Variants in ATR observed in about 807,000 individuals in gnomAD.
ATR encodes the protein ATR checkpoint kinase.
ATR carries 142 observed loss-of-function variants against 305.3 expected under a neutral mutation model. The observed-to-expected ratio is 0.47, with a 90% CI of 0.41 to 0.53. The LOEUF (loss-of-function observed/expected upper bound fraction) is 0.53, where lower values mean the gene tolerates loss of function less well. Ranked by LOEUF, ATR falls within the 20% of genes least tolerant of loss-of-function variation. The probability of loss-of-function intolerance (pLI) is 0.00; values close to 1 mark genes in which losing one functional copy is unlikely to be tolerated. For missense variants in ATR, 2,135 were observed against 3,133.1 expected, an observed-to-expected ratio of 0.68 and a Z score of 7.60; for synonymous variants, 1,050 against 1,068.1, an observed-to-expected ratio of 0.98 and a Z score of 0.33.
chr3:142,503,522 T>A, intron 29 of ATR, 69 bp from the exon 30 acceptor site: 1 of 898,966 alleles, frequency 1.1e-6, no homozygotes, highest in Non-Finnish European at 1.7e-6. Flanking sequence ...AAAAACAGTT[T>A]AACTGATATT....
chr3:142,547,578 C>G (rs992120283), intron 16 of ATR, 147 bp downstream of exon 16: 1 of 871,226 alleles, frequency 1.1e-6, no homozygotes, highest in Non-Finnish European at 1.8e-6. Context: ...TTTAAATCAG[C>G]CTTTTCAAAA....
chr3:142,556,141 T>TG lies in ATR; in HGVS notation c.2079-3dup. 1 of 1,611,754 alleles carries TG rather than the reference T, an allele frequency of 6.2e-7. No homozygotes were observed. Among genetic ancestry groups the TG allele is most frequent in the South Asian group, 1.1e-5 (1 of 90,486 alleles). On this transcript the variant is annotated splice_region_variant and splice_polypyrimidine_tract_variant and intron_variant, in intron 9 of 46. Coordinates refer to ENST00000350721, the MANE Select transcript of ATR (RefSeq NM_001184.4). The stretch of plus-strand genomic sequence containing the variant: ...TCAGAATCATCTTTGACTTTATCTC[T>TG]GGGGAAAAAAAAGAAAAAGTACTAA...
At chr3:142,493,105 C>T in intron 35 of ATR, 27 bp downstream of exon 35, 2 of 1,605,956 alleles carry the variant, frequency 1.2e-6, no homozygotes, top group South Asian at 1.1e-5. Context: ...ACAGAGTTAA[C>T]TGAAACTGCA....
rs145813077 is a variant in ATR at position 142,486,184 on chromosome 3, T to C, written c.6079-902A>G. On this transcript the variant is annotated intron_variant, in intron 35 of 46. Transcript: ENST00000350721. ...GGATCACTGACAATTTTTTTTTTAA[T>C]TGAAGTTCCACTTTTCATCTAAAGA... Among the ~76,000 whole-genome samples, 197 of 152,320 alleles carry C rather than the reference T, an allele frequency of 1.3e-3. 4 individuals carry two copies. The East Asian group carries it at 0.029, about 22-fold the overall frequency.
At position 142,568,140 on chromosome 3, in the gene ATR, T is replaced by G. The variant is rs771805892; in HGVS notation, c.74A>C (p.Glu25Ala). 2.5e-6 allele frequency: 4 copies of G among 1,611,762 alleles called. No individual in the cohort carries two copies. Among genetic ancestry groups the G allele is most frequent in the Non-Finnish European group, 3.4e-6 (4 of 1,178,130 alleles). The change falls in exon 2 of 47, where the codon GAA becomes GCA. Residue 25 changes from glutamate (E) to alanine (A), a missense_variant. Glu to Ala is a moderately radical substitution (Grantham distance 107). This residue lies in a region of ATR where 744 missense variants were observed against 873.2 expected (regional missense o/e 0.85). Coordinates refer to ENST00000350721, the MANE Select transcript of ATR (RefSeq NM_001184.4). The stretch of plus-strand genomic sequence containing the variant: ...TGGCTTCTGTACAACTGTATTATAT[T>G]CCTCTGGTGTGGCACTAAAATACAA... The part of the protein sequence containing the change: ...LRELGSATPE[E>A]YNTVVQKPRQ...
chr3:142,524,245 TA>T (rs1559963623), intron 21 of ATR, 46 bp from the exon 22 acceptor site: 1 of 1,498,042 alleles, frequency 6.7e-7, no homozygotes, highest in Admixed American at 1.8e-5. Context: ...TTCTACAAAC[TA>T]GTATGTTTTC....
chr3:142,520,720 CA>C (rs200152221), intron 23 of ATR, among the ~76,000 whole-genome samples: 6 of 149,988 alleles, frequency 4.0e-5, no homozygotes, highest in African/African-American at 1.5e-4. Flanking sequence ...TCTTAAAAAA[CA>C]AAAAAAAACC....
intron 37 of ATR, 147 bp downstream of exon 37, chr3:142,469,939 C>T: frequency 1.5e-6 from 1 of 651,578 alleles, no homozygotes; most frequent in Non-Finnish European, 2.6e-6. Flanking sequence ...TCCTTTTTAA[C>T]ATTTAGTATC....
At chr3:142,558,028 T>C (rs1168398987) in intron 8 of ATR, among the ~76,000 whole-genome samples, 2 of 152,186 alleles carry the variant, frequency 1.3e-5, no homozygotes, top group Non-Finnish European at 2.9e-5. Flanking sequence ...CCTAATTTTA[T>C]TAAATGAAGA....
intron 36 of ATR, among the ~76,000 whole-genome samples, chr3:142,477,514 T>C (rs1268909169): frequency 3.9e-5 from 6 of 152,210 alleles, no homozygotes; most frequent in Non-Finnish European, 5.9e-5. Context: ...TTGAGGATTT[T>C]TGCATCAATG....
intron 36 of ATR, among the ~76,000 whole-genome samples, chr3:142,483,979 G>T (rs969221624): frequency 2.6e-5 from 4 of 151,980 alleles, no homozygotes; most frequent in Non-Finnish European, 4.4e-5. Context: ...TACTTAATTT[G>T]GTGCTGTTGA....
chr3:142,485,054 A>G, intron 36 of ATR, 86 bp downstream of exon 36: 5 of 1,567,694 alleles, frequency 3.2e-6, no homozygotes, highest in Non-Finnish European at 4.4e-6. Context: ...AAATACCTAG[A>G]ATATGCTAAG....
At chr3:142,454,501 C>T (rs1198682007) in intron 45 of ATR, among the ~76,000 whole-genome samples, 2 of 131,854 alleles carry the variant, frequency 1.5e-5, no homozygotes, top group East Asian at 2.3e-4. Context: ...AGTGCAGTGG[C>T]GCAATCTCGG....
intron 7 of ATR, 172 bp downstream of exon 7, chr3:142,559,079 C>T (rs2034785797): frequency 9.9e-6 from 7 of 705,504 alleles, no homozygotes; most frequent in Admixed American, 6.5e-5. Flanking sequence ...ATATTATGCA[C>T]ATAAATTGGC....
rs780802796 is a variant in ATR, at chr3:142,540,937, C to T, written c.3548G>A (p.Arg1183Gln). Residue 1183 changes from arginine to glutamine, a missense_variant, in exon 18 of 47, where the codon CGA (arginine) becomes CAA (glutamine). By Grantham distance (43) the Arg-to-Gln change is conservative (BLOSUM62 1). Transcript: ENST00000350721. The part of the protein sequence containing the change: ...KMMTTLRTGL[R>Q]FKDDFPELCC... Reference sequence around the variant, plus strand: ...CAATTCAGGAAAATCATCCTTGAATCGAAGGCCAGTTCTCAGTGTGGTCAT... The same window carrying T: ...CAATTCAGGAAAATCATCCTTGAATTGAAGGCCAGTTCTCAGTGTGGTCAT... 4.3e-6 allele frequency: 7 copies of T among 1,612,978 alleles called. No individual in the cohort carries two copies. The highest frequency in any genetic ancestry group is 1.3e-5 in the African/African-American group (1 of 74,842).
intron 37 of ATR, among the ~76,000 whole-genome samples, 187 bp from the exon 38 acceptor site, chr3:142,469,756 G>C (rs1325813127): frequency 6.6e-6 from 1 of 152,044 alleles, no homozygotes; most frequent in Non-Finnish European, 1.5e-5. Context: ...AAAATATTTA[G>C]AGCCATTCAA....
Position 142,512,220 on chromosome 3 carries a change from T to C in ATR, c.4852+40A>G, listed in dbSNP as rs559500567. ...AGGGAAGAGCTAATTGGTGAATAGC[T>C]AAAAAAAAAAAAAAAAAAGAAACAG... On this transcript the variant is annotated intron_variant, in intron 27 of 46. Transcript: ENST00000350721. 9.8e-5 allele frequency: 122 copies of C among 1,245,986 alleles called. No individual in the cohort carries two copies. The South Asian group carries it at 1.5e-3, about 16-fold the overall frequency. The allele number at this position is 1,245,986 out of a possible 1,614,324, so 77.2% of individuals were successfully genotyped here.
chr3:142,515,312 T>C (rs1341904829), intron 25 of ATR, 83 bp downstream of exon 25: 35 of 1,527,720 alleles, frequency 2.3e-5, no homozygotes, highest in Non-Finnish European at 3.1e-5. Flanking sequence ...TCAATGATTA[T>C]TGTGTGTGCT....
At chr3:142,535,924 G>T (rs1249670955) in intron 20 of ATR, among the ~76,000 whole-genome samples, 184 bp downstream of exon 20, 2 of 152,074 alleles carry the variant, frequency 1.3e-5, no homozygotes, top group African/African-American at 4.8e-5. Context: ...TAATCTAAAT[G>T]CTAAAACTTC....
Sources: gnomAD v4.1 joint callset for allele counts (sites outside exome capture counted in the v4.1 genomes callset) on GRCh38, gnomAD v4.1.1 for gene constraint, gnomAD v4.1.1 regional missense constraint, MANE v1.5 for transcripts, NCBI Gene and HGNC (gene_info 2026-07-23, HGNC 2026-07-21) for gene names.